The following INTS7 variants were observed in gnomAD, a reference collection of about 807,000 sequenced individuals.
INTS7 encodes the protein chromosome 1 open reading frame 73.
INTS7 carries 46 observed loss-of-function variants against 109.2 expected under a neutral mutation model. The ratio of observed to expected loss-of-function variants is 0.42; its 90% CI spans 0.33 to 0.54. The LOEUF (loss-of-function observed/expected upper bound fraction) is 0.54, where lower values mean the gene tolerates loss of function less well. Among genes scored for constraint, INTS7 ranks in the 20% least tolerant of loss-of-function variants. The pLI is 0.07. For missense variants in INTS7, 929 were observed against 1,132.4 expected, an observed-to-expected ratio of 0.82 and a Z score of 2.58; for synonymous variants, 412 against 402.9, an observed-to-expected ratio of 1.02 and a Z score of -0.27.
Position 212,011,044 on chromosome 1 carries a change from G to A in INTS7, c.556+331C>T, listed in dbSNP as rs187610081. The stretch of plus-strand genomic sequence containing the variant: ...TGATCAATATATATAAAATAGATAA[G>A]TCCCTTCTCTCAACCCACCAACGAC... On this transcript the variant is annotated intron_variant, in intron 5 of 19. Transcript: ENST00000366994. Among the ~76,000 whole-genome samples, 617 of 152,030 alleles carry A rather than the reference G, an allele frequency of 4.1e-3. 6 individuals are homozygous for A. Among genetic ancestry groups the A allele is most frequent in the Middle Eastern group, 6.8e-3 (2 of 294 alleles).
At position 211,946,300 on chromosome 1, in the gene INTS7, T is replaced by C. The variant is rs943063928; in HGVS notation, c.2415+307A>G. On this transcript the variant is annotated intron_variant, in intron 18 of 19. Transcript: ENST00000366994. The surrounding 1 kb of genome is among the most constrained non-coding windows in gnomAD (Gnocchi z 4.3). Reference sequence around the variant, plus strand: ...GAGTTCCTGACCAGCCTAGCCAACATGGTGAAACCCCATCTTTACCAAAAA... The same window carrying C: ...GAGTTCCTGACCAGCCTAGCCAACACGGTGAAACCCCATCTTTACCAAAAA... Among the ~76,000 whole-genome samples the C allele has an allele frequency of 2.0e-5, 3 of 152,110 alleles. No homozygotes were observed. Among genetic ancestry groups the C allele is most frequent in the Non-Finnish European group, 4.4e-5 (3 of 68,008 alleles).
At chr1:211,984,940 T>G (rs1664830444) in intron 8 of INTS7, among the ~76,000 whole-genome samples, 1 of 152,196 alleles carries the variant, frequency 6.6e-6, no homozygotes, top group Non-Finnish European at 1.5e-5. Context: ...ATTGATGATC[T>G]TTTAATGCTA....
intron 17 of INTS7, among the ~76,000 whole-genome samples, chr1:211,949,355 C>T (rs150186011): frequency 4.6e-5 from 7 of 152,278 alleles, no homozygotes; most frequent in African/African-American, 1.7e-4. Flanking sequence ...CTAAAGACAG[C>T]AACATGTTTG....
chr1:211,978,281 T>C lies in INTS7; in HGVS notation c.1461A>G (p.Gln487=), dbSNP rs780754490. 2.5e-6 allele frequency: 4 copies of C among 1,614,036 alleles called. No homozygotes were observed. In the African/African-American group the frequency reaches 4.0e-5, roughly 16 times the overall value. The change falls in exon 11 of 20, where the codon CAA becomes CAG. Residue 487 remains glutamine (Q), a synonymous_variant. Coordinates refer to ENST00000366994, the MANE Select transcript of INTS7 (RefSeq NM_015434.4). The part of the protein sequence containing the change: ...VIGRSATDKQ[Q]ELLVSLATVI... ...AAAATGGGCTTTTTACCAGAAGTTCTTGTTGCTTGTCTGTGGCTGATCGTC... is the reference window on the plus strand; with the variant it reads ...AAAATGGGCTTTTTACCAGAAGTTCCTGTTGCTTGTCTGTGGCTGATCGTC...
At position 211,998,340 on chromosome 1, in the gene INTS7, C is replaced by T. The variant is rs942796079; in HGVS notation, c.879+8299G>A. On this transcript the variant is annotated intron_variant, in intron 7 of 19. Coordinates refer to ENST00000366994, the MANE Select transcript of INTS7 (RefSeq NM_015434.4). Reference sequence around the variant, plus strand: ...TCTGATTCCAAGAGTTGCCATAAAACGATGGTAATCAAGACAGTGTATTAT... The same window carrying T: ...TCTGATTCCAAGAGTTGCCATAAAATGATGGTAATCAAGACAGTGTATTAT... 1.1e-4 allele frequency among the ~76,000 whole-genome samples: 16 copies of T among 152,244 alleles called. No individual in the cohort carries two copies. In the Middle Eastern group the frequency reaches 0.01, roughly 97 times the overall value.
At chr1:212,009,569 T>C (rs1666077255) in intron 5 of INTS7, among the ~76,000 whole-genome samples, 1 of 152,310 alleles carries the variant, frequency 6.6e-6, no homozygotes, top group Non-Finnish European at 1.5e-5. Context: ...ATACCAATTT[T>C]CTAGTAACCT....
At chr1:211,978,932 G>A (rs1326876742) in intron 10 of INTS7, among the ~76,000 whole-genome samples, 3 of 151,528 alleles carry the variant, frequency 2.0e-5, no homozygotes, top group Admixed American at 6.6e-5. Flanking sequence ...ATTAACATAC[G>A]TGTGTGTGTG....
intron 12 of INTS7, 72 bp from the exon 13 acceptor site, chr1:211,975,444 G>C (rs1030858871): frequency 1.8e-5 from 20 of 1,142,570 alleles, no homozygotes; most frequent in Non-Finnish European, 2.6e-5. Context: ...TGAAAGAGTT[G>C]ATGCAGCAGC....
chr1:211,968,053 A>C (rs1663987806), intron 14 of INTS7, 72 bp from the exon 15 acceptor site: 2 of 727,882 alleles, frequency 2.7e-6, no homozygotes, highest in South Asian at 4.1e-5. Flanking sequence ...AAACCAAAAC[A>C]AAAAAAAGCA....
chr1:211,960,362 C>G (rs1159143991), intron 16 of INTS7, among the ~76,000 whole-genome samples: 1 of 151,972 alleles, frequency 6.6e-6, no homozygotes, highest in Non-Finnish European at 1.5e-5. Context: ...GAGAAAGAAC[C>G]AGTGCAAGAA....
At chr1:211,981,885 G>A (rs910515859) in intron 9 of INTS7, among the ~76,000 whole-genome samples, 2 of 152,128 alleles carry the variant, frequency 1.3e-5, no homozygotes, top group African/African-American at 4.8e-5. Flanking sequence ...TATAAAACAG[G>A]CTTAATTATC....
intron 1 of INTS7, among the ~76,000 whole-genome samples, chr1:212,026,537 G>A (rs1429501892): frequency 6.6e-6 from 1 of 151,206 alleles, no homozygotes; most frequent in African/African-American, 2.4e-5. Flanking sequence ...CGCCAAAAGG[G>A]ATAATTCTAA....
chr1:212,020,073 AT>A, intron 3 of INTS7, 48 bp downstream of exon 3: 1 of 1,284,914 alleles, frequency 7.8e-7, no homozygotes, highest in Non-Finnish European at 1.0e-6. Context: ...TTTGTACATA[AT>A]TACAGTTCAA....
chr1:211,999,563 C>A (rs1665570574), intron 7 of INTS7, among the ~76,000 whole-genome samples: 2 of 152,096 alleles, frequency 1.3e-5, no homozygotes, highest in Non-Finnish European at 2.9e-5. Context: ...CATCCAACTG[C>A]AAACCTAGAA....
intron 7 of INTS7, among the ~76,000 whole-genome samples, chr1:212,003,034 T>C (rs778678249): frequency 6.6e-6 from 1 of 151,702 alleles, no homozygotes; most frequent in Non-Finnish European, 1.5e-5. Flanking sequence ...CACAAAGAGA[T>C]AGAAAATAGA....
At position 211,942,231 on chromosome 1, in the gene INTS7, G is replaced by T; in HGVS notation, c.2602-120C>A. 2 of 1,038,456 alleles carry T rather than the reference G, an allele frequency of 1.9e-6. No individual in the cohort carries two copies. Among genetic ancestry groups the T allele is most frequent in the Non-Finnish European group, 2.8e-6 (2 of 707,302 alleles). The allele number at this position is 1,038,456 out of a possible 1,614,324, so 64.3% of individuals were successfully genotyped here. ...TGCAGACAATAAAAAATTAGGTACT[G>T]CTATCATCCTTGCTTCACCGATGAG... is the stretch of plus-strand genomic sequence containing the variant. On this transcript the variant is annotated intron_variant, in intron 19 of 19. Transcript: ENST00000366994. The surrounding 1 kb of genome is among the most constrained non-coding windows in gnomAD (Gnocchi z 4.2).
chr1:211,998,157 G>A (rs186792561), intron 7 of INTS7, among the ~76,000 whole-genome samples: 1 of 152,194 alleles, frequency 6.6e-6, no homozygotes, highest in Non-Finnish European at 1.5e-5. Context: ...TAGAGACAGG[G>A]TCTTACTATG....
At chr1:212,011,350 A>C in intron 5 of INTS7, 25 bp downstream of exon 5, 1 of 1,331,276 alleles carries the variant, frequency 7.5e-7, no homozygotes, top group Non-Finnish European at 1.1e-6. Context: ...AAGTCACTTC[A>C]TAATACTAAA....
chr1:212,008,529 C>G (rs755902733), intron 5 of INTS7, among the ~76,000 whole-genome samples: 11 of 152,118 alleles, frequency 7.2e-5, no homozygotes, highest in Non-Finnish European at 1.3e-4. Context: ...CCTGAGTGAG[C>G]TGATATAATC....
Sources: allele counts gnomAD v4.1 joint callset (sites outside exome capture counted in the v4.1 genomes callset), GRCh38; gene constraint gnomAD v4.1.1; non-coding constraint Gnocchi (gnomAD v3.1); transcripts MANE v1.5; gene names NCBI Gene and HGNC (gene_info 2026-07-23, HGNC 2026-07-21).